Variants in PLXDC2 observed in about 807,000 individuals in gnomAD.
PLXDC2 encodes plexin domain-containing protein 2.
In PLXDC2, 40 loss-of-function variants were observed where a neutral mutation model predicts 68.9. The ratio of observed to expected loss-of-function variants is 0.58; its 90% CI spans 0.45 to 0.76. PLXDC2 has a LOEUF of 0.76. Among genes scored for constraint, PLXDC2 ranks in the 30% least tolerant of loss-of-function variants. The pLI, the probability that PLXDC2 is intolerant of heterozygous loss-of-function variation, is 0.00. For synonymous variants in PLXDC2, 243 were observed against 234.2 expected, an observed-to-expected ratio of 1.04 and a Z score of -0.34; for missense variants, 644 against 661.9, an observed-to-expected ratio of 0.97 and a Z score of 0.30.
chr10:20,090,228 A>T (rs1349633404), intron 4 of PLXDC2, among the ~76,000 whole-genome samples: 1 of 152,190 alleles, frequency 6.6e-6, no homozygotes, highest in African/African-American at 2.4e-5. Flanking sequence ...GCCCATGTGT[A>T]TTTTCAGATA....
At chr10:20,135,280 G>C (rs1833919568) in intron 4 of PLXDC2, among the ~76,000 whole-genome samples, 1 of 152,154 alleles carries the variant, frequency 6.6e-6, no homozygotes, top group African/African-American at 2.4e-5. Flanking sequence ...TGAAAAGCCA[G>C]GTACTTTGTG....
chr10:20,082,457 G>C (rs1335978742), intron 4 of PLXDC2, among the ~76,000 whole-genome samples: 1 of 149,646 alleles, frequency 6.7e-6, no homozygotes, highest in Non-Finnish European at 1.5e-5. Context: ...AATACAAGTA[G>C]CTGTTACACA....
intron 1 of PLXDC2, among the ~76,000 whole-genome samples, chr10:19,844,599 T>G (rs1836967435): frequency 6.6e-6 from 1 of 151,920 alleles, no homozygotes; most frequent in Admixed American, 6.6e-5. Context: ...TTTCAATATT[T>G]TTTTTTCTTT....
intron 1 of PLXDC2, among the ~76,000 whole-genome samples, chr10:19,849,854 T>C (rs1208666878): frequency 1.3e-5 from 2 of 152,164 alleles, no homozygotes; most frequent in Non-Finnish European, 2.9e-5. Flanking sequence ...AGGCACTTAG[T>C]GGTAGGAGAA....
chr10:20,183,996 T>C (rs1834644918), intron 9 of PLXDC2, among the ~76,000 whole-genome samples: 1 of 151,750 alleles, frequency 6.6e-6, no homozygotes, highest in Admixed American at 6.6e-5. Flanking sequence ...AACATATAAA[T>C]AAAAGTATTC....
intron 9 of PLXDC2, among the ~76,000 whole-genome samples, chr10:20,210,604 G>A (rs1414531432): frequency 6.6e-6 from 1 of 152,140 alleles, no homozygotes; most frequent in Admixed American, 6.6e-5. Flanking sequence ...GTGCAACTGG[G>A]TGTCCCCAAG....
At chr10:20,048,605 T>G (rs1341286553) in intron 3 of PLXDC2, among the ~76,000 whole-genome samples, 1 of 152,174 alleles carries the variant, frequency 6.6e-6, no homozygotes, top group Non-Finnish European at 1.5e-5. Context: ...TGTTGGTGTA[T>G]GCACATGGAG....
chr10:20,234,538 G>A (rs1168849392), intron 12 of PLXDC2, among the ~76,000 whole-genome samples: 2 of 151,966 alleles, frequency 1.3e-5, no homozygotes, highest in Non-Finnish European at 2.9e-5. Flanking sequence ...GTGTTGCTCA[G>A]TGTTTTCATT....
chr10:19,818,641 A>G (rs906984558), intron 1 of PLXDC2, among the ~76,000 whole-genome samples: 2 of 152,212 alleles, frequency 1.3e-5, no homozygotes, highest in African/African-American at 4.8e-5. Context: ...ATTGTTCTGC[A>G]TTAATGGACA....
At chr10:19,829,341 G>C (rs1836640250) in intron 1 of PLXDC2, among the ~76,000 whole-genome samples, 1 of 152,006 alleles carries the variant, frequency 6.6e-6, no homozygotes, top group African/African-American at 2.4e-5. Context: ...CTGAAAATTT[G>C]CTGTAGGATG....
intron 1 of PLXDC2, among the ~76,000 whole-genome samples, chr10:19,894,220 T>C (rs1338858862): frequency 6.6e-6 from 1 of 151,660 alleles, no homozygotes; most frequent in African/African-American, 2.4e-5. Context: ...AGAAATCCCT[T>C]GGAAACGTAA....
chr10:20,175,658 A>C lies in PLXDC2; in HGVS notation c.884-1341A>C, dbSNP rs562518558. ...AGCATGGGCAACATAACCAGACCCCATTTTTACAAAAAATAAGGACAAAAT... is the reference window on the plus strand; with the variant it reads ...AGCATGGGCAACATAACCAGACCCCCTTTTTACAAAAAATAAGGACAAAAT... On this transcript the variant is annotated intron_variant, in intron 7 of 13. Coordinates refer to ENST00000377252, the MANE Select transcript of PLXDC2 (RefSeq NM_032812.9). Among the ~76,000 whole-genome samples, 3 of 152,238 alleles carry C rather than the reference A, an allele frequency of 2.0e-5. No individual in the cohort carries two copies. In the South Asian group the frequency reaches 6.2e-4, roughly 32 times the overall value.
intron 9 of PLXDC2, among the ~76,000 whole-genome samples, chr10:20,178,099 C>A (rs1043263083): frequency 6.6e-6 from 1 of 152,040 alleles, no homozygotes; most frequent in Non-Finnish European, 1.5e-5. Context: ...ATAATAATCA[C>A]ATGAACATTC....
At chr10:19,829,873 C>T (rs1420887121) in intron 1 of PLXDC2, among the ~76,000 whole-genome samples, 1 of 152,188 alleles carries the variant, frequency 6.6e-6, no homozygotes, top group African/African-American at 2.4e-5. Flanking sequence ...CAGTCATATA[C>T]TAAGCTAGCA....
At chr10:20,228,048 A>G (rs1835309639) in intron 12 of PLXDC2, among the ~76,000 whole-genome samples, 1 of 152,144 alleles carries the variant, frequency 6.6e-6, no homozygotes, top group Non-Finnish European at 1.5e-5. Context: ...CAGTGGTGCC[A>G]TTGAATAGGA....
At chr10:20,225,014 C>T (rs1272275499) in intron 12 of PLXDC2, among the ~76,000 whole-genome samples, 1 of 152,042 alleles carries the variant, frequency 6.6e-6, no homozygotes, top group Non-Finnish European at 1.5e-5. Context: ...ATATGTTAAG[C>T]AGTTTGAAGA....
At chr10:20,107,038 T>C (rs1475375078) in intron 4 of PLXDC2, among the ~76,000 whole-genome samples, 1 of 148,536 alleles carries the variant, frequency 6.7e-6, no homozygotes, top group Non-Finnish European at 1.5e-5. Flanking sequence ...CCATATACTA[T>C]ATATATAGTA....
chr10:19,958,753 G>A (rs1440051467), intron 1 of PLXDC2, among the ~76,000 whole-genome samples: 1 of 152,170 alleles, frequency 6.6e-6, no homozygotes, highest in Admixed American at 6.5e-5. Flanking sequence ...AGGAAGGTCA[G>A]ATCATCACAA....
At chr10:19,982,708 C>A (rs746748143) in intron 1 of PLXDC2, among the ~76,000 whole-genome samples, 1 of 151,740 alleles carries the variant, frequency 6.6e-6, no homozygotes, top group Non-Finnish European at 1.5e-5. Context: ...AGTAAACATG[C>A]CTTTATATCT....
Sources: allele counts gnomAD v4.1 joint callset (sites outside exome capture counted in the v4.1 genomes callset), GRCh38; gene constraint gnomAD v4.1.1; transcripts MANE v1.5; gene names NCBI Gene and HGNC (gene_info 2026-07-23, HGNC 2026-07-21).